The following CAPN14 variants were observed in gnomAD, a reference collection of about 807,000 sequenced individuals.
The protein encoded by CAPN14 is calpain 14, also known as calpain-14.
In CAPN14, 94 loss-of-function variants were observed where a neutral mutation model predicts 101.3. The observed-to-expected ratio is 0.93, with a 90% CI of 0.79 to 1.10. The LOEUF is 1.10. Among genes scored for constraint, CAPN14 ranks in the 50% least tolerant of loss-of-function variants. CAPN14 has a pLI of 0.00. For synonymous variants in CAPN14, 338 were observed against 317.9 expected, an observed-to-expected ratio of 1.06 and a Z score of -0.67; for missense variants, 837 against 828.4, an observed-to-expected ratio of 1.01 and a Z score of -0.13.
intron 1 of CAPN14, among the ~76,000 whole-genome samples, chr2:31,216,424 G>A (rs1682647030): frequency 6.6e-6 from 1 of 152,058 alleles, no homozygotes; most frequent in Non-Finnish European, 1.5e-5. Flanking sequence ...GCTTCCCCAT[G>A]GGCCAGGCAT....
rs141226162 is a variant in CAPN14 at position 31,210,001 on chromosome 2, G to A, written c.-52-4502C>T. On this transcript the variant is annotated intron_variant, in intron 1 of 21. Transcript: ENST00000403897. ...CAGCTGGAAGTTTCCGTGTTGTCCA[G>A]GAATACAGAGTCCATAGCCACAGGT... Among the ~76,000 whole-genome samples, 558 of 152,330 alleles carry A rather than the reference G, an allele frequency of 3.7e-3. 8 individuals carry two copies. Among genetic ancestry groups the A allele is most frequent in the South Asian group, 0.036 (175 of 4,822 alleles).
chr2:31,177,397 T>G (rs13409609), intron 19 of CAPN14, among the ~76,000 whole-genome samples: 51,410 of 151,906 alleles, frequency 0.34, 10,288 homozygotes, highest in African/African-American at 0.56. Context: ...CAGCCTTCAA[T>G]GAAGGAGGCA....
At chr2:31,220,581 T>G (rs892543049), upstream of CAPN14, among the ~76,000 whole-genome samples, 8 of 152,132 alleles carry the variant, frequency 5.3e-5, no homozygotes, top group African/African-American at 1.9e-4. Context: ...TCCCAACACT[T>G]TGGGAGGCCG....
intron 2 of CAPN14, among the ~76,000 whole-genome samples, chr2:31,225,699 T>G (rs948637955): frequency 3.9e-5 from 6 of 152,148 alleles, no homozygotes; most frequent in Non-Finnish European, 7.4e-5. Context: ...AATATTAGCA[T>G]TCATTTCAAT....
At chr2:31,216,624 C>A (rs187843778) in intron 1 of CAPN14, among the ~76,000 whole-genome samples, 47 of 152,264 alleles carry the variant, frequency 3.1e-4, no homozygotes, top group Non-Finnish European at 6.0e-4. Context: ...ACACCCCTCA[C>A]CCTATCAGGC....
intron 1 of CAPN14, among the ~76,000 whole-genome samples, chr2:31,212,881 G>A (rs1682469304): frequency 6.6e-6 from 1 of 152,178 alleles, no homozygotes; most frequent in Non-Finnish European, 1.5e-5. Context: ...GGGGGATGAT[G>A]GATTTCCAGA....
intron 16 of CAPN14, among the ~76,000 whole-genome samples, chr2:31,185,834 G>A (rs550521383): frequency 7.2e-5 from 11 of 152,278 alleles, no homozygotes; most frequent in East Asian, 3.9e-4. Flanking sequence ...AAGTTCATTC[G>A]TCTCCCTGAA....
At chr2:31,196,109 G>C (rs1486780762) in intron 8 of CAPN14, among the ~76,000 whole-genome samples, 1 of 152,182 alleles carries the variant, frequency 6.6e-6, no homozygotes, top group Non-Finnish European at 1.5e-5. Context: ...GAAATTTCTA[G>C]AATTGAAAAC....
chr2:31,229,154 A>G (rs894976442), intron 1 of CAPN14, among the ~76,000 whole-genome samples: 5 of 152,214 alleles, frequency 3.3e-5, no homozygotes, highest in Non-Finnish European at 5.9e-5. Context: ...GGGACAACAC[A>G]CAGTAGATTC....
At chr2:31,216,553 C>T (rs1682652117) in intron 1 of CAPN14, among the ~76,000 whole-genome samples, 1 of 152,052 alleles carries the variant, frequency 6.6e-6, no homozygotes. Context: ...CATGAGGTGC[C>T]CACTCTGTGA....
intron 1 of CAPN14, among the ~76,000 whole-genome samples, chr2:31,232,997 T>C (rs1683239817): frequency 6.6e-6 from 1 of 152,158 alleles, no homozygotes. Flanking sequence ...TCAGCAAGTT[T>C]ATTATTGGGT....
Position 31,192,095 on chromosome 2 carries a change from G to A in CAPN14, c.1118C>T (p.Thr373Ile). 1 of 1,547,734 alleles carries A rather than the reference G, an allele frequency of 6.5e-7. No individual in the cohort carries two copies. Among genetic ancestry groups the A allele is most frequent in the Non-Finnish European group, 8.7e-7 (1 of 1,145,228 alleles). ...CAGGAACTGCGGGTTCTTCCAAAAT[G>A]TGTCTGGAGCAGAACACAGCAAGGT... ...AGGQRQLLQDTFWKNPQFLLS... is the reference protein window; with the variant it reads ...AGGQRQLLQDIFWKNPQFLLS... Residue 373 changes from threonine to isoleucine, a missense_variant, in exon 11 of 22, where the codon ACA (threonine) becomes ATA (isoleucine). Thr to Ile is a moderately conservative substitution (Grantham distance 89, BLOSUM62 -1). Transcript: ENST00000403897.
In CAPN14 at chr2:31,208,173, TC is replaced by T. The variant is rs1682203534; in HGVS notation, c.-52-2675del. 1.2e-4 allele frequency among the ~76,000 whole-genome samples: 18 copies of T among 150,822 alleles called. No homozygotes were observed. The South Asian group carries it at 3.6e-3, about 30-fold the overall frequency. On this transcript the variant is annotated intron_variant, in intron 1 of 21. Transcript: ENST00000403897. ...TATTTTTTTGACTCCAAAAAAAAAC[TC>T]CAAAAAAAAACTGGAGTTTTTTTCC...
rs1396065499 is a variant in CAPN14, at chr2:31,201,849, G to C, written c.551+13C>G. On this transcript the variant is annotated intron_variant, in intron 5 of 21. Transcript: ENST00000403897. ...AAGCGATGGGAAGGGGGATATTTCT[G>C]CCGGTTTCTTACTTGGCATAGGCCT... is the stretch of plus-strand genomic sequence containing the variant. The C allele has an allele frequency of 5.2e-6, 8 of 1,549,386 alleles. No homozygotes were observed. The highest frequency in any genetic ancestry group is 7.0e-6 in the Non-Finnish European group (8 of 1,144,996).
In CAPN14 at chr2:31,174,358, G is replaced by C. The variant is rs1680192715; in HGVS notation, c.*323C>G. ...TGCAGCCACAGAGGCAGTGTTGTAT[G>C]GAGGCTAACCACACCAGCTCTGGAG... On this transcript the variant is annotated 3_prime_UTR_variant, in exon 22 of 22. Transcript: ENST00000403897. 1 of 479,428 alleles carries C rather than the reference G, an allele frequency of 2.1e-6. No homozygotes were observed. Among genetic ancestry groups the C allele is most frequent in the Non-Finnish European group, 3.8e-6 (1 of 266,442 alleles). The allele number at this position is 479,428 out of a possible 1,614,324, so 29.7% of individuals were successfully genotyped here.
At position 31,200,548 on chromosome 2, in the gene CAPN14, A is replaced by G; in HGVS notation, c.629T>C (p.Met210Thr). 6.4e-6 allele frequency: 10 copies of G among 1,551,620 alleles called. No individual in the cohort carries two copies. Among genetic ancestry groups the G allele is most frequent in the Non-Finnish European group, 8.7e-6 (10 of 1,146,984 alleles). The change falls in exon 6 of 22, where the codon ATG becomes ACG. Residue 210 changes from methionine (M) to threonine (T), a missense_variant. Transcript: ENST00000403897. ...ALVDFTGGVT[M>T]TINLAEAHGN... ...ATGGGCTTCTGCCAGGTTGATGGTC[A>G]TTGTCACCCCTCCAGTGAAGTCTAC...
At chr2:31,222,650 A>T (rs566170735) in intron 2 of CAPN14, among the ~76,000 whole-genome samples, 43 of 152,360 alleles carry the variant, frequency 2.8e-4, no homozygotes, top group African/African-American at 8.9e-4. Context: ...CATAATTGTG[A>T]TTATTCACTA....
chr2:31,198,561 GT>G (rs1681584181), intron 7 of CAPN14, among the ~76,000 whole-genome samples: 1 of 152,196 alleles, frequency 6.6e-6, no homozygotes. Flanking sequence ...CACACAGTAA[GT>G]GCTATATAAA....
At chr2:31,224,475 C>T (rs1682961697) in intron 2 of CAPN14, among the ~76,000 whole-genome samples, 2 of 152,020 alleles carry the variant, frequency 1.3e-5, no homozygotes, top group South Asian at 4.1e-4. Context: ...AAAAAAGAAT[C>T]CAGACAGGTA....
Sources: gnomAD v4.1 joint callset for allele counts (sites outside exome capture counted in the v4.1 genomes callset) on GRCh38, gnomAD v4.1.1 for gene constraint, MANE v1.5 for transcripts, NCBI Gene and HGNC (gene_info 2026-07-23, HGNC 2026-07-21) for gene names.